Variants in ATP10B observed in about 807,000 individuals in gnomAD.
The protein encoded by ATP10B is ATPase phospholipid transporting 10B (putative).
Under a neutral mutation model 141.2 loss-of-function variants are expected in ATP10B, and 122 were observed. That is an observed-to-expected ratio of 0.86 (90% CI 0.75 to 1.00). The LOEUF (loss-of-function observed/expected upper bound fraction) is 1.00, where lower values mean the gene tolerates loss of function less well. Among genes scored for constraint, ATP10B ranks in the 50% least tolerant of loss-of-function variants. ATP10B has a pLI of 0.00. For synonymous variants in ATP10B, 685 were observed against 692.0 expected (o/e 0.99, Z 0.16); for missense variants, 1,876 against 1,825.3 (o/e 1.03, Z -0.51).
At chr5:160,627,390 A>T (rs1163385754) in intron 13 of ATP10B, among the ~76,000 whole-genome samples, 1 of 152,226 alleles carries the variant, frequency 6.6e-6, no homozygotes, top group African/African-American at 2.4e-5. Context: ...CCTAGTCTCT[A>T]GGACAGTATA....
At chr5:160,709,594 ATTTT>A (rs1194308004) in intron 3 of ATP10B, among the ~76,000 whole-genome samples, 2 of 129,196 alleles carry the variant, frequency 1.5e-5, no homozygotes, top group Non-Finnish European at 3.4e-5. Flanking sequence ...TCATAAACAA[ATTTT>A]TTTTTTTTAA....
chr5:160,612,624 G>C, intron 18 of ATP10B, 117 bp downstream of exon 18: 1 of 792,958 alleles, frequency 1.3e-6, no homozygotes. Flanking sequence ...GTGATCTGTT[G>C]GGGGTTGGGT....
chr5:160,605,112 A>G (rs931203771), intron 19 of ATP10B, among the ~76,000 whole-genome samples: 2 of 152,240 alleles, frequency 1.3e-5, no homozygotes, highest in Non-Finnish European at 2.9e-5. Context: ...CCTGCAGGCC[A>G]TAGTTTGCCA....
the ATP10B span, among the ~76,000 whole-genome samples, chr5:160,883,747 A>G: frequency 6.6e-6 from 1 of 152,198 alleles, no homozygotes; most frequent in African/African-American, 2.4e-5. Context: ...ACACACGCAA[A>G]AAGAAAAGGA....
intron 1 of ATP10B, among the ~76,000 whole-genome samples, chr5:160,802,618 A>G (rs187779473): frequency 6.6e-5 from 10 of 152,236 alleles, no homozygotes; most frequent in African/African-American, 2.4e-4. Context: ...AATGCATGGT[A>G]AGGGACACTG....
At chr5:160,699,096 C>CTT (rs1764534424) in intron 3 of ATP10B, among the ~76,000 whole-genome samples, 1 of 152,196 alleles carries the variant, frequency 6.6e-6, no homozygotes, top group African/African-American at 2.4e-5. Context: ...CTCGAACTAC[C>CTT]TTTTCCCATT....
At chr5:160,791,509 C>G (rs1442348956) in intron 1 of ATP10B, among the ~76,000 whole-genome samples, 1 of 152,032 alleles carries the variant, frequency 6.6e-6, no homozygotes, top group Non-Finnish European at 1.5e-5. Context: ...CAGTCCAGGG[C>G]CTTCCACCAT....
chr5:160,925,423 C>T, the ATP10B span, among the ~76,000 whole-genome samples: 18 of 152,162 alleles, frequency 1.2e-4, no homozygotes, highest in East Asian at 1.9e-4. Flanking sequence ...CGTTTGTAGA[C>T]GGGGAAACTG....
At chr5:160,800,668 C>T (rs1289904236) in intron 1 of ATP10B, among the ~76,000 whole-genome samples, 1 of 152,160 alleles carries the variant, frequency 6.6e-6, no homozygotes, top group Non-Finnish European at 1.5e-5. Context: ...TAATAGTCTC[C>T]ACTTATATGG....
chr5:160,778,251 CT>C (rs770238017), intron 2 of ATP10B, among the ~76,000 whole-genome samples: 5 of 152,208 alleles, frequency 3.3e-5, no homozygotes, highest in Non-Finnish European at 5.9e-5. Context: ...AGCATCTGAA[CT>C]TTCCTCATTC....
intron 5 of ATP10B, 135 bp from the exon 6 acceptor site, chr5:160,686,408 G>T: frequency 3.3e-6 from 2 of 609,484 alleles, no homozygotes; most frequent in Non-Finnish European, 2.7e-6. Context: ...TATGGTAATG[G>T]ATTTGAAGCC....
chr5:160,881,645 T>C, the ATP10B span, among the ~76,000 whole-genome samples: 315 of 152,160 alleles, frequency 2.1e-3, no homozygotes, highest in African/African-American at 7.4e-3. Context: ...ACCCCATCTC[T>C]ACTAAAAATA....
intron 22 of ATP10B, among the ~76,000 whole-genome samples, chr5:160,596,013 A>G (rs1001845988): frequency 1.5e-4 from 23 of 152,076 alleles, no homozygotes; most frequent in African/African-American, 5.6e-4. Context: ...ATCAATAGAA[A>G]AAGAGGGAAT....
At chr5:160,894,419 A>G in the ATP10B span, among the ~76,000 whole-genome samples, 6 of 152,124 alleles carry the variant, frequency 3.9e-5, no homozygotes, top group African/African-American at 1.4e-4. Context: ...ACAAGTATCA[A>G]TAGCCAAATC....
the ATP10B span, among the ~76,000 whole-genome samples, chr5:160,876,434 G>A: frequency 2.1e-4 from 31 of 150,200 alleles, 1 homozygote; most frequent in East Asian, 5.8e-3. Context: ...GAGAAAGCAG[G>A]AAACATCCAA....
chr5:160,891,360 T>C, the ATP10B span, among the ~76,000 whole-genome samples: 1 of 152,192 alleles, frequency 6.6e-6, no homozygotes, highest in African/African-American at 2.4e-5. Context: ...GATTTTCCTC[T>C]TACCTCCTTC....
the ATP10B span, among the ~76,000 whole-genome samples, chr5:160,884,366 G>T: frequency 6.6e-6 from 1 of 152,136 alleles, no homozygotes; most frequent in Non-Finnish European, 1.5e-5. Flanking sequence ...TTCCAAGAAG[G>T]GGACTGACAT....
chr5:160,859,417 A>C, the ATP10B span, among the ~76,000 whole-genome samples: 1 of 151,726 alleles, frequency 6.6e-6, no homozygotes, highest in East Asian at 1.9e-4. Context: ...AAGTTTAATT[A>C]TATCTTGGTG....
intron 2 of ATP10B, among the ~76,000 whole-genome samples, chr5:160,773,095 T>C (rs1054230927): frequency 2.0e-5 from 3 of 152,220 alleles, no homozygotes; most frequent in Non-Finnish European, 4.4e-5. Context: ...TGTGGTTCTG[T>C]GACCTTCGGG....
Sources: allele counts gnomAD v4.1 joint callset (sites outside exome capture counted in the v4.1 genomes callset), GRCh38; gene constraint gnomAD v4.1.1; transcripts MANE v1.5; gene names NCBI Gene and HGNC (gene_info 2026-07-23, HGNC 2026-07-21).